Variants in DMXL1 observed in about 807,000 individuals in gnomAD.
The protein encoded by DMXL1 is dmX-like protein 1.
In DMXL1, 99 loss-of-function variants were observed where a neutral mutation model predicts 319.2. The observed-to-expected ratio is 0.31, with a 90% CI of 0.26 to 0.37. The LOEUF (loss-of-function observed/expected upper bound fraction) is 0.37, where lower values mean the gene tolerates loss of function less well. Ranked by LOEUF, DMXL1 falls within the 10% of genes least tolerant of loss-of-function variation. The pLI is 1.00. For synonymous variants in DMXL1, 1,385 were observed against 1,235.2 expected (o/e 1.12, Z -2.54); for missense variants, 3,745 against 3,595.6 (o/e 1.04, Z -1.06).
At chr5:119,165,305 G>C (rs1198575355) in intron 21 of DMXL1, 25 bp downstream of exon 21, 2 of 931,376 alleles carry the variant, frequency 2.1e-6, no homozygotes, top group Admixed American at 2.3e-5. Context: ...AAAAAAAAAA[G>C]GGTGCTTCAA....
chr5:119,187,015 G>T (rs1447892680), intron 28 of DMXL1, among the ~76,000 whole-genome samples: 1 of 151,946 alleles, frequency 6.6e-6, no homozygotes, highest in Non-Finnish European at 1.5e-5. Context: ...CATGGCACAT[G>T]TATACTTATG....
At chr5:119,092,637 C>T (rs1037927621) in intron 1 of DMXL1, among the ~76,000 whole-genome samples, 2 of 152,104 alleles carry the variant, frequency 1.3e-5, no homozygotes, top group Non-Finnish European at 2.9e-5. Flanking sequence ...TGTCTATTAC[C>T]AATCACTGTC....
At chr5:119,205,654 G>C (rs1020847238) in intron 33 of DMXL1, among the ~76,000 whole-genome samples, 1 of 151,820 alleles carries the variant, frequency 6.6e-6, no homozygotes, top group Non-Finnish European at 1.5e-5. Flanking sequence ...TTATTGCTTT[G>C]TTGTTTTATT....
intron 28 of DMXL1, among the ~76,000 whole-genome samples, chr5:119,184,533 A>G (rs887048045): frequency 2.0e-5 from 3 of 152,248 alleles, no homozygotes. Context: ...AAATTTAGCA[A>G]GTGAACCATT....
intron 42 of DMXL1, among the ~76,000 whole-genome samples, chr5:119,243,570 T>G (rs893234014): frequency 1.3e-5 from 2 of 152,154 alleles, no homozygotes; most frequent in African/African-American, 2.4e-5. Context: ...TTTTTATATT[T>G]CTCATACTGC....
intron 39 of DMXL1, among the ~76,000 whole-genome samples, chr5:119,235,846 A>T (rs898076752): frequency 1.3e-5 from 2 of 152,098 alleles, no homozygotes; most frequent in Admixed American, 6.6e-5. Flanking sequence ...ATGTGCATCC[A>T]AACTATCATT....
At position 119,119,981 on chromosome 5, in the gene DMXL1, A is replaced by T. The variant is rs185015996; in HGVS notation, c.933+977A>T. 2.4e-3 allele frequency among the ~76,000 whole-genome samples: 372 copies of T among 151,998 alleles called. 2 individuals are homozygous for T. Among genetic ancestry groups the T allele is most frequent in the African/African-American group, 8.3e-3 (344 of 41,454 alleles). On this transcript the variant is annotated intron_variant, in intron 8 of 43. Transcript: ENST00000539542. ...CTGCAACCTCTGCTTCCCGGGTTCA[A>T]GCAGTAGTCCCTCCTCAGCCTCCCG...
At chr5:119,119,135 T>C in intron 8 of DMXL1, 131 bp downstream of exon 8, 1 of 587,944 alleles carries the variant, frequency 1.7e-6, no homozygotes, top group South Asian at 3.6e-5. Flanking sequence ...TCAGTTCTAT[T>C]TGGTTCAAAA....
At chr5:119,233,663 A>G (rs1436621436) in intron 39 of DMXL1, among the ~76,000 whole-genome samples, 196 bp downstream of exon 39, 1 of 152,192 alleles carries the variant, frequency 6.6e-6, no homozygotes, top group Admixed American at 6.5e-5. Flanking sequence ...GGTGTCCATT[A>G]AAACTCAGTT....
chr5:119,142,260 A>G (rs534805334), intron 13 of DMXL1, among the ~76,000 whole-genome samples: 1 of 152,182 alleles, frequency 6.6e-6, no homozygotes, highest in African/African-American at 2.4e-5. Context: ...TAGACAACCT[A>G]CAGAATAGGA....
chr5:119,158,703 A>T (rs142576745), intron 19 of DMXL1, among the ~76,000 whole-genome samples: 7 of 152,244 alleles, frequency 4.6e-5, no homozygotes, highest in African/African-American at 1.4e-4. Context: ...AGGATGTCGA[A>T]TTTTATCAGA....
At chr5:119,135,353 G>A (rs981674533) in intron 13 of DMXL1, among the ~76,000 whole-genome samples, 5 of 152,122 alleles carry the variant, frequency 3.3e-5, no homozygotes, top group African/African-American at 1.2e-4. Context: ...AGAAGAATTA[G>A]GAATTGCCAA....
At chr5:119,124,435 A>C (rs1763029837) in intron 9 of DMXL1, among the ~76,000 whole-genome samples, 2 of 152,208 alleles carry the variant, frequency 1.3e-5, no homozygotes, top group African/African-American at 4.8e-5. Context: ...CTTAATGCTA[A>C]CAAATAAGCA....
rs149487729 is a variant in DMXL1 at position 119,210,833 on chromosome 5, G to A, written c.7926+3937G>A. Among the ~76,000 whole-genome samples, 768 of 126,846 alleles carry A rather than the reference G, an allele frequency of 6.1e-3. 2 individuals are homozygous for A. The highest frequency in any genetic ancestry group is 0.021 in the African/African-American group (740 of 34,490). The allele number at this position is 126,846 out of a possible 152,430, so 83.2% of individuals were successfully genotyped here. On this transcript the variant is annotated intron_variant, in intron 34 of 43. Transcript: ENST00000539542. The stretch of plus-strand genomic sequence containing the variant: ...CAATGTTGAATAGAAGTGATCACCA[G>A]CAGACATTATTATCTTGTTTCTGAT...
intron 10 of DMXL1, among the ~76,000 whole-genome samples, chr5:119,130,101 TA>T (rs200049576): frequency 1.7e-4 from 26 of 151,634 alleles, no homozygotes; most frequent in Middle Eastern, 3.4e-3. Flanking sequence ...TTTTTTTTTT[TA>T]AAGTTTTGTT....
At chr5:119,091,907 C>T (rs919473762) in intron 1 of DMXL1, among the ~76,000 whole-genome samples, 3 of 152,184 alleles carry the variant, frequency 2.0e-5, no homozygotes, top group South Asian at 2.1e-4. Context: ...ACTGCCTGCC[C>T]TCTTTGTTTC....
At chr5:119,197,216 T>A (rs1235932467) in intron 31 of DMXL1, among the ~76,000 whole-genome samples, 1 of 152,138 alleles carries the variant, frequency 6.6e-6, no homozygotes, top group Non-Finnish European at 1.5e-5. Flanking sequence ...TGATACAAAT[T>A]AAAGCAGGGG....
chr5:119,084,881 AG>A (rs1753005677), intron 1 of DMXL1, among the ~76,000 whole-genome samples: 2 of 150,614 alleles, frequency 1.3e-5, no homozygotes, highest in South Asian at 4.2e-4. Flanking sequence ...AAAAAAAAAA[AG>A]ATCCTAAAAT....
At chr5:119,084,115 C>A (rs2149705415) in intron 1 of DMXL1, among the ~76,000 whole-genome samples, 1 of 151,682 alleles carries the variant, frequency 6.6e-6, no homozygotes, top group African/African-American at 2.4e-5. Flanking sequence ...TTCATGTATT[C>A]CCCCCCTCAC....
Sources: gnomAD v4.1 joint callset for allele counts (sites outside exome capture counted in the v4.1 genomes callset) on GRCh38, gnomAD v4.1.1 for gene constraint, MANE v1.5 for transcripts, NCBI Gene and HGNC (gene_info 2026-07-23, HGNC 2026-07-21) for gene names.